Variants in NOL11 observed in about 807,000 individuals in gnomAD.
NOL11 encodes nucleolar protein 11.
In NOL11, 42 loss-of-function variants were observed where a neutral mutation model predicts 93.0. That is an observed-to-expected ratio of 0.45 (90% CI 0.35 to 0.58). The LOEUF is 0.58. NOL11 is among the 20% of genes least tolerant of loss of function. The pLI is 0.00. For synonymous variants in NOL11, 296 were observed against 293.7 expected, an observed-to-expected ratio of 1.01 and a Z score of -0.08; for missense variants, 775 against 841.8, an observed-to-expected ratio of 0.92 and a Z score of 0.98.
intron 6 of NOL11, among the ~76,000 whole-genome samples, chr17:67,724,621 C>T (rs1279446072): frequency 6.6e-6 from 1 of 152,292 alleles, no homozygotes; most frequent in African/African-American, 2.4e-5. Flanking sequence ...TGTGAGTCAC[C>T]TCGTGCGGCC....
Position 67,743,836 on chromosome 17 carries a change from A to T in NOL11, c.2137A>T (p.Ile713Phe). 1 of 1,511,326 alleles carries T rather than the reference A, an allele frequency of 6.6e-7. No individual in the cohort carries two copies. Among genetic ancestry groups the T allele is most frequent in the Non-Finnish European group, 8.9e-7 (1 of 1,121,294 alleles). 93.6% of individuals were successfully genotyped at this position (1,511,326 alleles called of 1,614,324 possible). ...QEKNNRGLYS[I>F]EVLELF Reference sequence around the variant, plus strand: ...AAAGAATAATAGAGGATTATATTCAATTGAAGTGCTGGAGCTCTTCTGATA... The same window carrying T: ...AAAGAATAATAGAGGATTATATTCATTTGAAGTGCTGGAGCTCTTCTGATA... Residue 713 changes from isoleucine (I) to phenylalanine (F), a missense_variant, in exon 18 of 18, where the codon ATT (isoleucine) becomes TTT (phenylalanine). Ile to Phe is a conservative substitution (Grantham distance 21). Transcript: ENST00000253247.
At position 67,726,514 on chromosome 17, in the gene NOL11, A is replaced by G; in HGVS notation, c.719A>G (p.Glu240Gly). The G allele has an allele frequency of 6.2e-7, 1 of 1,614,020 alleles. No individual in the cohort carries two copies. The highest frequency in any genetic ancestry group is 1.3e-5 in the African/African-American group (1 of 75,062). ...TLIPIRPADP[E>G]KNQSLVKSLL... ...ATACCAATACGTCCAGCTGACCCAGAAAAAAATCAGAGCTTAGTTAAATCA... is the reference window on the plus strand; with the variant it reads ...ATACCAATACGTCCAGCTGACCCAGGAAAAAATCAGAGCTTAGTTAAATCA... Residue 240 changes from glutamate to glycine, a missense_variant, in exon 7 of 18, where the codon GAA (glutamate) becomes GGA (glycine). Transcript: ENST00000253247.
At chr17:67,741,603 G>T (rs2055257489) in intron 16 of NOL11, among the ~76,000 whole-genome samples, 1 of 151,452 alleles carries the variant, frequency 6.6e-6, no homozygotes. Flanking sequence ...ACAGAGCCTT[G>T]CCCTGTCACC....
Position 67,717,998 on chromosome 17 carries a change from C to T in NOL11, c.51C>T (p.Ala17=), listed in dbSNP as rs1599031874. The change falls in exon 1 of 18, where the codon GCC becomes GCT. Residue 17 remains alanine, a synonymous_variant. Coordinates refer to ENST00000253247, the MANE Select transcript of NOL11 (RefSeq NM_015462.5). Reference sequence around the variant, plus strand: ...CGTTGTCTTCGGTAGTCCTGAGCGCCGGGCCTGAAGGACTCCTAGGCGTGG... The same window carrying T: ...CGTTGTCTTCGGTAGTCCTGAGCGCTGGGCCTGAAGGACTCCTAGGCGTGG... ...EFTLSSVVLS[A]GPEGLLGVEQ... is the part of the protein sequence containing the mutation. 5.6e-6 allele frequency: 9 copies of T among 1,614,208 alleles called. No individual in the cohort carries two copies. Among genetic ancestry groups the T allele is most frequent in the South Asian group, 2.2e-5 (2 of 91,082 alleles).
chr17:67,736,301 A>C (rs538574073), intron 9 of NOL11, among the ~76,000 whole-genome samples: 1 of 152,090 alleles, frequency 6.6e-6, no homozygotes, highest in African/African-American at 2.4e-5. Context: ...GGAAAACAAA[A>C]AAAAAAAAGT....
At chr17:67,742,278 T>A (rs1349066198) in intron 16 of NOL11, among the ~76,000 whole-genome samples, 2 of 152,322 alleles carry the variant, frequency 1.3e-5, no homozygotes, top group Non-Finnish European at 2.9e-5. Context: ...TCATTTTAAT[T>A]TGCATTTCTT....
At chr17:67,726,787 C>A in intron 7 of NOL11, 139 bp downstream of exon 7, 1 of 595,180 alleles carries the variant, frequency 1.7e-6, no homozygotes, top group Non-Finnish European at 2.7e-6. Flanking sequence ...TTTTTTTGTG[C>A]CTTCCTAATT....
intron 7 of NOL11, among the ~76,000 whole-genome samples, chr17:67,728,044 A>G (rs1341888857): frequency 2.0e-5 from 3 of 152,120 alleles, no homozygotes; most frequent in Non-Finnish European, 2.9e-5. Flanking sequence ...GCTGATCACA[A>G]GGTCAGCAGA....
chr17:67,740,910 T>C (rs2055250464), intron 16 of NOL11: 1 of 153,404 alleles, frequency 6.5e-6, no homozygotes, highest in East Asian at 1.9e-4. Flanking sequence ...CTTTTTTTTT[T>C]TCCTTTTCAA....
intron 3 of NOL11, 29 bp downstream of exon 3, chr17:67,719,991 G>GT (rs778640362): frequency 6.6e-7 from 1 of 1,525,610 alleles, no homozygotes; most frequent in Admixed American, 2.1e-5. Context: ...CAACATATTT[G>GT]TTTAGCTTAT....
intron 7 of NOL11, among the ~76,000 whole-genome samples, chr17:67,729,422 G>A (rs930328894): frequency 7.3e-5 from 11 of 150,766 alleles, no homozygotes; most frequent in African/African-American, 2.7e-4. Context: ...CCTGGCCAAC[G>A]TCTTGTTTTA....
intron 15 of NOL11, 96 bp downstream of exon 15, chr17:67,739,106 ATTCT>A (rs2055231195): frequency 7.6e-6 from 7 of 925,572 alleles, no homozygotes; most frequent in Non-Finnish European, 6.7e-6. Flanking sequence ...AGGTTATGAA[ATTCT>A]TTCATGTGAA....
At chr17:67,735,113 A>G (rs1418566768) in intron 8 of NOL11, among the ~76,000 whole-genome samples, 2 of 152,236 alleles carry the variant, frequency 1.3e-5, no homozygotes, top group African/African-American at 4.8e-5. Context: ...AAAATACTTA[A>G]AAGAATTAAA....
At chr17:67,727,485 C>T (rs1409483282) in intron 7 of NOL11, among the ~76,000 whole-genome samples, 1 of 152,086 alleles carries the variant, frequency 6.6e-6, no homozygotes, top group East Asian at 1.9e-4. Context: ...TGGAGAAACC[C>T]CGTCTCTATT....
intron 13 of NOL11, 22 bp from the exon 14 acceptor site, chr17:67,738,100 T>A: frequency 6.3e-7 from 1 of 1,582,364 alleles, no homozygotes. Flanking sequence ...GATTAACCTC[T>A]TGCTTTCAAC....
At chr17:67,726,112 A>G (rs2055089560) in intron 6 of NOL11, among the ~76,000 whole-genome samples, 1 of 152,146 alleles carries the variant, frequency 6.6e-6, no homozygotes, top group Admixed American at 6.5e-5. Flanking sequence ...AAGAAAGGTA[A>G]CGTATAGACC....
At chr17:67,722,426 G>A (rs561604448) in intron 4 of NOL11, among the ~76,000 whole-genome samples, 154 bp from the exon 5 acceptor site, 2 of 152,134 alleles carry the variant, frequency 1.3e-5, no homozygotes, top group East Asian at 3.9e-4. Context: ...TATTGCTTGT[G>A]GTATATGTTT....
chr17:67,726,444 T>C lies in NOL11; in HGVS notation c.665-16T>C, dbSNP rs2055094269. The C allele has an allele frequency of 6.3e-7, 1 of 1,595,228 alleles. No homozygotes were observed. The highest frequency in any genetic ancestry group is 8.5e-7 in the Non-Finnish European group (1 of 1,172,488). ...GTATCCTTCAATAACCAACAACAAA[T>C]GCTTGTTTCCAACAGGCTCTGATGG... is the stretch of plus-strand genomic sequence containing the variant. On this transcript the variant is annotated splice_polypyrimidine_tract_variant and intron_variant, in intron 6 of 17. Transcript: ENST00000253247.
intron 8 of NOL11, among the ~76,000 whole-genome samples, chr17:67,735,585 A>G (rs2055194140): frequency 6.6e-6 from 1 of 151,850 alleles, no homozygotes; most frequent in South Asian, 2.1e-4. Context: ...CCCATGCTAT[A>G]GTAGCCTTGG....
Sources: allele counts gnomAD v4.1 joint callset (sites outside exome capture counted in the v4.1 genomes callset), GRCh38; gene constraint gnomAD v4.1.1; transcripts MANE v1.5; gene names NCBI Gene and HGNC (gene_info 2026-07-23, HGNC 2026-07-21).